ZC3H13: variants seen among roughly 807,000 people sequenced by gnomAD.
The protein encoded by ZC3H13 is zinc finger CCCH-type containing 13.
A neutral mutation model predicts 204.1 loss-of-function variants in ZC3H13; 64 were observed. The ratio of observed to expected loss-of-function variants is 0.31; its 90% CI spans 0.26 to 0.39. The LOEUF (loss-of-function observed/expected upper bound fraction) is 0.39, where lower values mean the gene tolerates loss of function less well. ZC3H13 is among the 10% of genes least tolerant of loss of function. The probability of loss-of-function intolerance (pLI) is 1.00; values close to 1 mark genes in which losing one functional copy is unlikely to be tolerated. For synonymous variants in ZC3H13, 667 were observed against 693.7 expected, an observed-to-expected ratio of 0.96 and a Z score of 0.60; for missense variants, 1,833 against 2,082.7, an observed-to-expected ratio of 0.88 and a Z score of 2.33.
intron 11 of ZC3H13, among the ~76,000 whole-genome samples, chr13:45,977,677 C>T (rs899886160): frequency 4.6e-5 from 7 of 152,106 alleles, no homozygotes; most frequent in Non-Finnish European, 1.5e-5. Flanking sequence ...CTTTTCCTGT[C>T]CCCATAGCTA....
At chr13:46,026,322 A>G (rs1435080495) in intron 4 of ZC3H13, among the ~76,000 whole-genome samples, 1 of 152,114 alleles carries the variant, frequency 6.6e-6, no homozygotes, top group Non-Finnish European at 1.5e-5. Context: ...CTAATAATAC[A>G]GTAGTGAAGA....
chr13:46,004,897 A>T (rs1241170566), intron 7 of ZC3H13, among the ~76,000 whole-genome samples: 1 of 152,106 alleles, frequency 6.6e-6, no homozygotes, highest in Non-Finnish European at 1.5e-5. Context: ...TCTTTTTGGC[A>T]ATTTAAGTAA....
In ZC3H13 at chr13:45,975,679, C is replaced by T; in HGVS notation, c.2072G>A (p.Arg691Lys). The T allele has an allele frequency of 1.9e-6, 3 of 1,612,364 alleles. No homozygotes were observed. The highest frequency in any genetic ancestry group is 1.3e-5 in the African/African-American group (1 of 74,930). Residue 691 changes from arginine to lysine, a missense_variant, in exon 12 of 19, where the codon AGA (arginine) becomes AAA (lysine). Arg to Lys is a conservative substitution (Grantham distance 26). Transcript: ENST00000679008. ...CCGATCCCGTTCACGTTCCCTCTCTCTCTCCCGCTCCCTGTCTCGTTCTCG... is the reference window on the plus strand; with the variant it reads ...CCGATCCCGTTCACGTTCCCTCTCTTTCTCCCGCTCCCTGTCTCGTTCTCG... ...RERERDRERE[R>K]ERERERDRER...
chr13:45,955,987 A>AT lies in ZC3H13; in HGVS notation c.*1139dup, dbSNP rs1941012335. On this transcript the variant is annotated 3_prime_UTR_variant, in exon 19 of 19. Coordinates refer to ENST00000679008, the MANE Select transcript of ZC3H13 (RefSeq NM_001330564.2). ...ATTTTGATTGCCTTCTTTTATTATT[A>AT]TCACTACTACTGTCTGCTCACAAAT... The AT allele has an allele frequency of 6.6e-6, 1 of 152,144 alleles. No individual in the cohort carries two copies. Among genetic ancestry groups the AT allele is most frequent in the African/African-American group, 2.4e-5 (1 of 41,452 alleles). The allele number at this position is 152,144 out of a possible 1,614,324, so 9.4% of individuals were successfully genotyped here.
At chr13:46,009,814 A>G (rs1047922824) in intron 7 of ZC3H13, among the ~76,000 whole-genome samples, 8 of 152,108 alleles carry the variant, frequency 5.3e-5, no homozygotes, top group Non-Finnish European at 7.4e-5. Context: ...AAAGACAAAA[A>G]TTTTTTGTGT....
At chr13:46,040,202 A>G (rs2043480404) in intron 4 of ZC3H13, among the ~76,000 whole-genome samples, 2 of 152,224 alleles carry the variant, frequency 1.3e-5, no homozygotes, top group Non-Finnish European at 2.9e-5. Flanking sequence ...CTAAATACTT[A>G]AAACTGTATT....
At chr13:45,964,085 T>C (rs1305843435) in intron 16 of ZC3H13, 43 bp from the exon 17 acceptor site, 1 of 1,556,284 alleles carries the variant, frequency 6.4e-7, no homozygotes, top group Admixed American at 1.8e-5. Flanking sequence ...CACCAAGAAA[T>C]AGCAGTCTTG....
intron 11 of ZC3H13, among the ~76,000 whole-genome samples, chr13:45,977,265 G>A (rs1038589409): frequency 6.6e-6 from 1 of 152,080 alleles, no homozygotes; most frequent in Non-Finnish European, 1.5e-5. Context: ...TTCCTGGTTT[G>A]GAGGAGTCAT....
intron 4 of ZC3H13, among the ~76,000 whole-genome samples, chr13:46,032,489 C>G (rs1157974583): frequency 1.3e-5 from 2 of 151,564 alleles, no homozygotes; most frequent in African/African-American, 2.4e-5. Context: ...ACATTTTTTT[C>G]TATGAAATTG....
rs1246463078 is a variant in ZC3H13 at position 45,969,344 on chromosome 13, C to A, written c.3200G>T (p.Trp1067Leu). 2 of 1,613,966 alleles carry A rather than the reference C, an allele frequency of 1.2e-6. No homozygotes were observed. Among genetic ancestry groups the A allele is most frequent in the Non-Finnish European group, 1.7e-6 (2 of 1,180,006 alleles). The change falls in exon 14 of 19, where the codon TGG becomes TTG. Residue 1067 changes from tryptophan (W) to leucine (L), a missense_variant. Around this residue, in one of 5 missense-constraint regions of ZC3H13, gnomAD observed 1,574 missense variants for 1,757.2 expected, o/e 0.90. Transcript: ENST00000679008. ...QKKEDTAFSD[W>L]SDEDVPDRTE... The stretch of plus-strand genomic sequence containing the variant: ...ACGGTCAGGGACATCCTCATCAGAC[C>A]AGTCACTGAATGCTGTATCTTCTTT...
Position 45,957,025 on chromosome 13 carries a change from T to G in ZC3H13, c.*102A>C. ...TCTTTTAGCATGGCTGATAAATCTT[T>G]TCTGCCTTTGTCACTAATGCTTGTC... On this transcript the variant is annotated 3_prime_UTR_variant, in exon 19 of 19. Coordinates refer to ENST00000679008, the MANE Select transcript of ZC3H13 (RefSeq NM_001330564.2). 5.6e-6 allele frequency: 6 copies of G among 1,076,946 alleles called. No homozygotes were observed. The highest frequency in any genetic ancestry group is 7.3e-6 in the Non-Finnish European group (6 of 825,010). The allele number at this position is 1,076,946 out of a possible 1,614,324, so 66.7% of individuals were successfully genotyped here. A position where few individuals can be genotyped will look rare whatever the true frequency, so the allele number is the denominator to read the frequency against.
At chr13:46,048,443 T>C (rs201551593) in intron 1 of ZC3H13, among the ~76,000 whole-genome samples, 43 of 147,720 alleles carry the variant, frequency 2.9e-4, no homozygotes, top group South Asian at 6.4e-4. Flanking sequence ...TAGCCGGGCG[T>C]GGTGGCAGGC....
intron 8 of ZC3H13, among the ~76,000 whole-genome samples, chr13:45,996,576 C>T (rs1253916260): frequency 6.6e-6 from 1 of 152,178 alleles, no homozygotes; most frequent in Non-Finnish European, 1.5e-5. Context: ...CACTCTACCG[C>T]AACCACTATA....
In ZC3H13 at chr13:45,956,483, T is replaced by C. The variant is rs1951281603; in HGVS notation, c.*644A>G. On this transcript the variant is annotated 3_prime_UTR_variant, in exon 19 of 19. Coordinates refer to ENST00000679008, the MANE Select transcript of ZC3H13 (RefSeq NM_001330564.2). ...ATACATTTATTAAAAATAAAAATAG[T>C]ACACAATCTCTGATAACAAAAAAAG... 1 of 151,994 alleles carries C rather than the reference T, an allele frequency of 6.6e-6. No individual in the cohort carries two copies. Among genetic ancestry groups the C allele is most frequent in the African/African-American group, 2.4e-5 (1 of 41,390 alleles). The allele number at this position is 151,994 out of a possible 1,614,324, so 9.4% of individuals were successfully genotyped here. A position where few individuals can be genotyped will look rare whatever the true frequency, so the allele number is the denominator to read the frequency against.
chr13:46,029,579 C>T (rs529384408), intron 4 of ZC3H13, among the ~76,000 whole-genome samples: 1 of 151,806 alleles, frequency 6.6e-6, no homozygotes, highest in East Asian at 1.9e-4. Flanking sequence ...CAGGCGCCCG[C>T]TACCACGCCC....
intron 4 of ZC3H13, among the ~76,000 whole-genome samples, chr13:46,025,188 A>T (rs1460611145): frequency 6.6e-6 from 1 of 152,188 alleles, no homozygotes; most frequent in Non-Finnish European, 1.5e-5. Context: ...TAATAATTCC[A>T]TATTTATTAT....
chr13:45,969,545 T>A lies in ZC3H13; in HGVS notation c.2999A>T (p.Lys1000Met). 1 of 1,607,372 alleles carries A rather than the reference T, an allele frequency of 6.2e-7. No homozygotes were observed. Residue 1000 changes from lysine to methionine, a missense_variant, in exon 14 of 19, where the codon AAG (lysine) becomes ATG (methionine). Transcript: ENST00000679008. ...TTTACGTTTTTTTTCAATGCTTTTCTTTTTCTGTCCTTTTTTTGGTGAAAA... is the reference window on the plus strand; with the variant it reads ...TTTACGTTTTTTTTCAATGCTTTTCATTTTCTGTCCTTTTTTTGGTGAAAA... ...QVFSPKKGQK[K>M]KSIEKKRKKS...
chr13:45,963,615 G>A (rs1368503122), intron 17 of ZC3H13: 5 of 1,326,416 alleles, frequency 3.8e-6, no homozygotes, highest in Admixed American at 6.9e-5. Context: ...CATACAAAAA[G>A]GTCATTGTAC....
At chr13:45,986,898 T>C (rs1954244303) in intron 9 of ZC3H13, among the ~76,000 whole-genome samples, 1 of 152,130 alleles carries the variant, frequency 6.6e-6, no homozygotes, top group South Asian at 2.1e-4. Flanking sequence ...TAGACCCTCA[T>C]CAATAACCTA....
Sources: gnomAD v4.1 joint callset for allele counts (sites outside exome capture counted in the v4.1 genomes callset) on GRCh38, gnomAD v4.1.1 for gene constraint, gnomAD v4.1.1 regional missense constraint, MANE v1.5 for transcripts, NCBI Gene and HGNC (gene_info 2026-07-23, HGNC 2026-07-21) for gene names.